Variants in BRAP observed in about 807,000 individuals in gnomAD.
BRAP encodes BRCA1 associated protein, also known as BRCA1-associated protein.
In BRAP, 42 loss-of-function variants were observed where a neutral mutation model predicts 73.4. The observed-to-expected ratio is 0.57, with a 90% CI of 0.45 to 0.74. The LOEUF (loss-of-function observed/expected upper bound fraction) is 0.74, where lower values mean the gene tolerates loss of function less well. Among genes scored for constraint, BRAP ranks in the 30% least tolerant of loss-of-function variants. The pLI is 0.00. For missense variants in BRAP, 593 were observed against 751.4 expected, an observed-to-expected ratio of 0.79 and a Z score of 2.46; for synonymous variants, 255 against 267.4, an observed-to-expected ratio of 0.95 and a Z score of 0.45.
At chr12:111,683,969 G>A (rs996218979) in intron 1 of BRAP, among the ~76,000 whole-genome samples, 26 of 152,106 alleles carry the variant, frequency 1.7e-4, no homozygotes, top group Admixed American at 1.6e-3. Flanking sequence ...AGCCCAAAAT[G>A]AAGCTATCAA....
intron 6 of BRAP, among the ~76,000 whole-genome samples, chr12:111,661,900 T>G (rs1459949022): frequency 6.6e-6 from 1 of 151,548 alleles, no homozygotes; most frequent in African/African-American, 2.4e-5. Flanking sequence ...TTAGTGGGCA[T>G]AGGGTTTCAC....
At chr12:111,659,515 G>T (rs762094321) in intron 7 of BRAP, among the ~76,000 whole-genome samples, 170 bp from the exon 8 acceptor site, 1 of 152,172 alleles carries the variant, frequency 6.6e-6, no homozygotes, top group Non-Finnish European at 1.5e-5. Flanking sequence ...TTAGCTGGGC[G>T]TGGTGGCAGC....
intron 5 of BRAP, chr12:111,670,076 A>T: frequency 1.6e-6 from 1 of 628,606 alleles, no homozygotes; most frequent in East Asian, 3.6e-5. Context: ...AAGTGCTTGG[A>T]GCAAGAGTTG....
At chr12:111,676,177 C>T (rs1227600137) in intron 4 of BRAP, among the ~76,000 whole-genome samples, 1 of 152,054 alleles carries the variant, frequency 6.6e-6, no homozygotes. Flanking sequence ...CACACCTGGC[C>T]TCACAACTCT....
At chr12:111,669,897 G>A (rs1333905431) in intron 5 of BRAP, 6 of 630,836 alleles carry the variant, frequency 9.5e-6, no homozygotes, top group Non-Finnish European at 1.4e-5. Flanking sequence ...TTTATATTTC[G>A]CTCCCATAGC....
chr12:111,643,779 T>C lies in BRAP; in HGVS notation c.*420A>G, dbSNP rs536078879. On this transcript the variant is annotated 3_prime_UTR_variant, in exon 12 of 12. Coordinates refer to ENST00000419234, the MANE Select transcript of BRAP (RefSeq NM_006768.5). ...AAACCTCTCTTTAAAGCAGCTGTTATGCCCTCAGAGAGGTTTGGTGCTTTA... is the reference window on the plus strand; with the variant it reads ...AAACCTCTCTTTAAAGCAGCTGTTACGCCCTCAGAGAGGTTTGGTGCTTTA... 5.9e-6 allele frequency: 1 copy of C among 169,444 alleles called. No homozygotes were observed. The highest frequency in any genetic ancestry group is 2.4e-5 in the African/African-American group (1 of 41,956). The allele number at this position is 169,444 out of a possible 1,614,324, so 10.5% of individuals were successfully genotyped here.
chr12:111,646,335 C>CA (rs1321111130), intron 11 of BRAP, among the ~76,000 whole-genome samples: 1 of 151,858 alleles, frequency 6.6e-6, no homozygotes, highest in Non-Finnish European at 1.5e-5. Context: ...AAACCACGAA[C>CA]AAAAAAACCC....
At chr12:111,655,333 T>G (rs1803795934) in intron 10 of BRAP, among the ~76,000 whole-genome samples, 1 of 140,352 alleles carries the variant, frequency 7.1e-6, no homozygotes, top group South Asian at 2.3e-4. Context: ...AGACTGAGGT[T>G]TAAAAAAAAA....
intron 5 of BRAP, among the ~76,000 whole-genome samples, chr12:111,669,376 G>A (rs1245178243): frequency 6.6e-6 from 1 of 151,976 alleles, no homozygotes; most frequent in Non-Finnish European, 1.5e-5. Flanking sequence ...ACAGGCATAC[G>A]CCACCATGCC....
intron 8 of BRAP, 65 bp downstream of exon 8, chr12:111,659,142 A>C: frequency 3.9e-6 from 6 of 1,541,782 alleles, no homozygotes; most frequent in Non-Finnish European, 5.3e-6. Context: ...GGGAAAGTGA[A>C]GGCGTTGTGA....
rs1177776182 is a variant in BRAP, at chr12:111,644,496, G to A, written c.1482C>T (p.Asn494=). ...TNELKEEQEM[N]KCLRANQVLL... ...GGACTTGGTTGGCTCGCAAACACTT[G>A]TTCATTTCCTGCTCCTCTTTGAGCT... Residue 494 remains asparagine, a synonymous_variant, in exon 12 of 12, where the codon AAC becomes AAT. Coordinates refer to ENST00000419234, the MANE Select transcript of BRAP (RefSeq NM_006768.5). The A allele has an allele frequency of 3.1e-6, 5 of 1,614,110 alleles. No individual in the cohort carries two copies. In the East Asian group the frequency reaches 6.7e-5, roughly 22 times the overall value.
In BRAP at chr12:111,655,640, T is replaced by A; in HGVS notation, c.1237A>T (p.Thr413Ser). 6.2e-7 allele frequency: 1 copy of A among 1,611,934 alleles called. No homozygotes were observed. The highest frequency in any genetic ancestry group is 1.1e-5 in the South Asian group (1 of 91,026). The change falls in exon 10 of 12, where the codon ACA becomes TCA. Residue 413 changes from threonine (T) to serine (S), a missense_variant. Coordinates refer to ENST00000419234, the MANE Select transcript of BRAP (RefSeq NM_006768.5). ...ATTCGCTGAGATTCCAGCTGGCTTG[T>A]TAGTAAATATGAATACTAGAAACAT... ...ALQLEYSYLLTSQLESQRIYW... is the reference protein window; with the variant it reads ...ALQLEYSYLLSSQLESQRIYW...
chr12:111,680,021 G>A (rs1232902622), intron 3 of BRAP, among the ~76,000 whole-genome samples: 2 of 150,576 alleles, frequency 1.3e-5, no homozygotes, highest in African/African-American at 4.9e-5. Flanking sequence ...CTTGCTGCAT[G>A]GTCTCGGCTC....
Position 111,644,376 on chromosome 12 carries a change from A to G in BRAP, c.1602T>C (p.Arg534=), listed in dbSNP as rs1458379610. ...LQITEIQEQL[R]DVMFYLETQQ... ...GTGTCTCCAGGTAGAACATGACGTC[A>G]CGCAGCTGCTCCTGGATCTCGGTGA... Residue 534 remains arginine (R), a synonymous_variant, in exon 12 of 12, where the codon CGT becomes CGC. Coordinates refer to ENST00000419234, the MANE Select transcript of BRAP (RefSeq NM_006768.5). The G allele has an allele frequency of 5.0e-6, 8 of 1,612,586 alleles. No individual in the cohort carries two copies. The South Asian group carries it at 5.5e-5, about 11-fold the overall frequency.
chr12:111,660,593 T>C lies in BRAP; in HGVS notation c.972+7A>G, dbSNP rs1317462210. On this transcript the variant is annotated splice_region_variant and intron_variant, in intron 7 of 11. Transcript: ENST00000419234. ...TTCTTTGTTCTTTTCCATCACCCAT[T>C]ACTTACTTCCTGAACACCACACTCA... is the stretch of plus-strand genomic sequence containing the variant. 1.3e-6 allele frequency: 2 copies of C among 1,597,748 alleles called. No homozygotes were observed. The highest frequency in any genetic ancestry group is 1.7e-6 in the Non-Finnish European group (2 of 1,172,180).
rs1886906933 is a variant in BRAP at position 111,665,574 on chromosome 12, C to G, written c.896+65G>C. ...TGGAATGGTTCATTTCTGCTGGTGG[C>G]TCTTTTTAATTCTGGAAGGGTTGCA... On this transcript the variant is annotated intron_variant, in intron 6 of 11. Transcript: ENST00000419234. This position sits in a 1 kb window ranked among gnomAD's most constrained non-coding sequence, Gnocchi z 4.3. The G allele has an allele frequency of 6.3e-7, 1 of 1,575,548 alleles. No individual in the cohort carries two copies. Among genetic ancestry groups the G allele is most frequent in the Admixed American group, 1.8e-5 (1 of 57,132 alleles).
intron 5 of BRAP, among the ~76,000 whole-genome samples, chr12:111,667,672 C>T (rs1886996250): frequency 9.8e-6 from 1 of 102,534 alleles, no homozygotes; most frequent in Non-Finnish European, 1.7e-5. Flanking sequence ...GCACTCCAGC[C>T]TGGGAGACAG....
At chr12:111,672,051 A>T (rs1887197857) in intron 5 of BRAP, among the ~76,000 whole-genome samples, 2 of 152,168 alleles carry the variant, frequency 1.3e-5, no homozygotes, top group African/African-American at 4.8e-5. Flanking sequence ...AAACAAATTT[A>T]AAAAATTAGC....
At chr12:111,678,608 TACC>T (rs750099898) in intron 4 of BRAP, among the ~76,000 whole-genome samples, 1 of 149,084 alleles carries the variant, frequency 6.7e-6, no homozygotes, top group Non-Finnish European at 1.5e-5. Context: ...AGTGAGCCGA[TACC>T]ACACCACTGC....
Sources: allele counts gnomAD v4.1 joint callset (sites outside exome capture counted in the v4.1 genomes callset), GRCh38; gene constraint gnomAD v4.1.1; non-coding constraint Gnocchi (gnomAD v3.1); transcripts MANE v1.5; gene names NCBI Gene and HGNC (gene_info 2026-07-23, HGNC 2026-07-21).